Variants in BAZ2B observed in about 807,000 individuals in gnomAD.
BAZ2B encodes the protein bromodomain adjacent to zinc finger domain 2B.
Under a neutral mutation model 246.0 loss-of-function variants are expected in BAZ2B, and 91 were observed. The observed-to-expected ratio is 0.37, with a 90% CI of 0.31 to 0.44. BAZ2B has a LOEUF of 0.44. Ranked by LOEUF, BAZ2B falls within the 20% of genes least tolerant of loss-of-function variation. The pLI is 1.00. For missense variants in BAZ2B, 2,332 were observed against 2,533.7 expected, an observed-to-expected ratio of 0.92 and a Z score of 1.71; for synonymous variants, 855 against 860.0, an observed-to-expected ratio of 0.99 and a Z score of 0.10.
chr2:159,493,845 A>G (rs1266106679), intron 2 of BAZ2B, among the ~76,000 whole-genome samples: 1 of 152,254 alleles, frequency 6.6e-6, no homozygotes, highest in East Asian at 1.9e-4. Flanking sequence ...GGCCATAAAC[A>G]TATACCTGAT....
chr2:159,500,958 A>AAAAAAAG (rs1463086311), intron 2 of BAZ2B, among the ~76,000 whole-genome samples: 1 of 147,940 alleles, frequency 6.8e-6, no homozygotes, highest in African/African-American at 2.5e-5. Context: ...TGTCTCAAAA[A>AAAAAAAG]AAAAAAGAAA....
At chr2:159,663,193 T>C in the BAZ2B span, among the ~76,000 whole-genome samples, 28 of 150,776 alleles carry the variant, frequency 1.9e-4, no homozygotes, top group African/African-American at 6.4e-4. Flanking sequence ...TGTTGTTGTT[T>C]TTTTTTTCTT....
At chr2:159,327,789 C>T (rs773850480) in intron 34 of BAZ2B, among the ~76,000 whole-genome samples, 1 of 152,132 alleles carries the variant, frequency 6.6e-6, no homozygotes, top group African/African-American at 2.4e-5. Flanking sequence ...TTGGGCCAGG[C>T]GCGGTAACTC....
chr2:159,446,315 G>T (rs191238198), intron 6 of BAZ2B, among the ~76,000 whole-genome samples: 2 of 152,258 alleles, frequency 1.3e-5, no homozygotes, highest in South Asian at 4.1e-4. Flanking sequence ...GCCATGATGC[G>T]ACAACTGTTG....
intron 14 of BAZ2B, among the ~76,000 whole-genome samples, chr2:159,409,725 T>C (rs1001192949): frequency 6.6e-6 from 1 of 152,206 alleles, no homozygotes; most frequent in Admixed American, 6.5e-5. Flanking sequence ...TTACTTTCTT[T>C]TCTTCACAGG....
chr2:159,480,230 G>A (rs1282642078), intron 2 of BAZ2B, among the ~76,000 whole-genome samples: 1 of 151,892 alleles, frequency 6.6e-6, no homozygotes, highest in Non-Finnish European at 1.5e-5. Flanking sequence ...AATTCTATCT[G>A]CTACGTAAAT....
At chr2:159,614,603 A>AT (rs1695469585) in intron 1 of BAZ2B, among the ~76,000 whole-genome samples, 1 of 152,158 alleles carries the variant, frequency 6.6e-6, no homozygotes, top group South Asian at 2.1e-4. Context: ...CTGACTACAG[A>AT]TAACAGTTGA....
At chr2:159,515,306 T>C (rs976646686) in intron 2 of BAZ2B, among the ~76,000 whole-genome samples, 1 of 152,068 alleles carries the variant, frequency 6.6e-6, no homozygotes, top group Non-Finnish European at 1.5e-5. Context: ...ATTTTAAGTA[T>C]ATTTGTCACT....
chr2:159,340,739 C>G (rs1289613745), intron 31 of BAZ2B, among the ~76,000 whole-genome samples: 1 of 151,894 alleles, frequency 6.6e-6, no homozygotes, highest in Admixed American at 6.5e-5. Flanking sequence ...CACCACTAGG[C>G]TAAACATGCA....
At chr2:159,569,530 AT>A (rs1374665835) in intron 1 of BAZ2B, among the ~76,000 whole-genome samples, 1 of 152,142 alleles carries the variant, frequency 6.6e-6, no homozygotes, top group Non-Finnish European at 1.5e-5. Context: ...TAATATTTGC[AT>A]TTTTTTGAGA....
At chr2:159,334,705 G>A (rs996923957) in intron 33 of BAZ2B, among the ~76,000 whole-genome samples, 1 of 152,160 alleles carries the variant, frequency 6.6e-6, no homozygotes, top group South Asian at 2.1e-4. Flanking sequence ...CAAGAGAAAG[G>A]TTAATGAATT....
At chr2:159,597,680 C>A (rs1471135430) in intron 1 of BAZ2B, among the ~76,000 whole-genome samples, 1 of 152,174 alleles carries the variant, frequency 6.6e-6, no homozygotes, top group South Asian at 2.1e-4. Flanking sequence ...GCATGTGCCA[C>A]CACACCCTCA....
chr2:159,423,076 G>A (rs1042034321), intron 13 of BAZ2B, among the ~76,000 whole-genome samples: 24 of 152,100 alleles, frequency 1.6e-4, no homozygotes, highest in African/African-American at 5.8e-4. Flanking sequence ...AGCACTTTGG[G>A]AGGCCAAGGC....
At chr2:159,456,436 T>C (rs1436485815) in intron 3 of BAZ2B, among the ~76,000 whole-genome samples, 2 of 152,038 alleles carry the variant, frequency 1.3e-5, no homozygotes, top group East Asian at 3.9e-4. Flanking sequence ...AGTAAATAAA[T>C]GAAGTTATCA....
chr2:159,316,550 C>T (rs924272487), downstream of BAZ2B, among the ~76,000 whole-genome samples: 11 of 151,554 alleles, frequency 7.3e-5, no homozygotes, highest in East Asian at 1.9e-4. Context: ...ATTAGCCGGG[C>T]GTGGTGGAGG....
intron 3 of BAZ2B, among the ~76,000 whole-genome samples, chr2:159,457,292 C>T (rs2075893783): frequency 6.6e-6 from 1 of 152,140 alleles, no homozygotes; most frequent in Non-Finnish European, 1.5e-5. Context: ...ATGTATAAAA[C>T]AAGTTTGTTA....
intron 1 of BAZ2B, among the ~76,000 whole-genome samples, chr2:159,587,063 A>G (rs896536773): frequency 6.6e-6 from 1 of 151,914 alleles, no homozygotes; most frequent in African/African-American, 2.4e-5. Flanking sequence ...AGCTTTAATA[A>G]TATCCTATCA....
intron 36 of BAZ2B, chr2:159,321,860 A>T (rs889877884): frequency 6.6e-6 from 1 of 152,220 alleles, no homozygotes; most frequent in African/African-American, 2.4e-5. Context: ...ATAGTCAATC[A>T]TAGTTTAATT....
intron 3 of BAZ2B, chr2:159,459,304 T>C (rs936225156): frequency 6.6e-6 from 1 of 152,242 alleles, no homozygotes; most frequent in Non-Finnish European, 1.5e-5. Context: ...ATACCTGCTA[T>C]AGGCATCTTC....
Sources: allele counts gnomAD v4.1 joint callset (sites outside exome capture counted in the v4.1 genomes callset), GRCh38; gene constraint gnomAD v4.1.1; transcripts MANE v1.5; gene names NCBI Gene and HGNC (gene_info 2026-07-23, HGNC 2026-07-21).